Variants in TPP2 observed in about 807,000 individuals in gnomAD.
TPP2 encodes the protein tripeptidyl peptidase 2.
Under a neutral mutation model 155.9 loss-of-function variants are expected in TPP2, and 34 were observed. The ratio of observed to expected loss-of-function variants is 0.22; its 90% CI spans 0.17 to 0.29. The LOEUF (loss-of-function observed/expected upper bound fraction) is 0.29, where lower values mean the gene tolerates loss of function less well. Among genes scored for constraint, TPP2 ranks in the 10% least tolerant of loss-of-function variants. The probability of loss-of-function intolerance (pLI) is 1.00; values close to 1 mark genes in which losing one functional copy is unlikely to be tolerated. For missense variants in TPP2, 1,028 were observed against 1,522.3 expected (o/e 0.68, Z 5.40); for synonymous variants, 510 against 529.4 (o/e 0.96, Z 0.50).
chr13:102,666,512 C>G (rs1884605005), intron 27 of TPP2, among the ~76,000 whole-genome samples: 1 of 152,036 alleles, frequency 6.6e-6, no homozygotes, highest in Non-Finnish European at 1.5e-5. Context: ...AAAGAATGGC[C>G]CATTTTGAGT....
chr13:102,625,094 G>A (rs1338183649), intron 6 of TPP2, among the ~76,000 whole-genome samples: 10 of 148,306 alleles, frequency 6.7e-5, no homozygotes, highest in South Asian at 6.4e-4. Context: ...TCCTGACCTC[G>A]TGATCCACCC....
At chr13:102,633,866 G>A (rs1186278714) in intron 10 of TPP2, 84 bp from the exon 11 acceptor site, 42 of 1,579,508 alleles carry the variant, frequency 2.7e-5, no homozygotes, top group Non-Finnish European at 3.5e-5. Context: ...TATACTATTG[G>A]ATTTAACCAG....
At position 102,647,530 on chromosome 13, in the gene TPP2, A is replaced by G. The variant is rs118060013; in HGVS notation, c.2628+186A>G. Reference sequence around the variant, plus strand: ...CGGTGAAGAACAGATGGTGTCAACTATTTCACCATGTAGTTGTGCTGAATT... The same window carrying G: ...CGGTGAAGAACAGATGGTGTCAACTGTTTCACCATGTAGTTGTGCTGAATT... On this transcript the variant is annotated intron_variant, in intron 21 of 29. Coordinates refer to ENST00000376052, the MANE Select transcript of TPP2 (RefSeq NM_001330588.2). Among the ~76,000 whole-genome samples the G allele has an allele frequency of 7.1e-3, 1,081 of 152,298 alleles. 8 individuals are homozygous for G. The highest frequency in any genetic ancestry group is 0.012 in the Non-Finnish European group (786 of 68,034).
intron 22 of TPP2, 33 bp from the exon 23 acceptor site, chr13:102,649,375 T>C (rs1883348005): frequency 6.3e-7 from 1 of 1,584,020 alleles, no homozygotes; most frequent in Non-Finnish European, 8.6e-7. Context: ...TTCTCTTTTG[T>C]TGCTTTTTTT....
In TPP2 at chr13:102,678,262, T is replaced by C; in HGVS notation, c.3735T>C (p.Ser1245=). 1.2e-6 allele frequency: 2 copies of C among 1,613,768 alleles called. No individual in the cohort carries two copies. The highest frequency in any genetic ancestry group is 1.7e-6 in the Non-Finnish European group (2 of 1,179,740). ...MKLLGWTHCA[S]FTENWLPIMY... Reference sequence around the variant, plus strand: ...TACTTGGATGGACCCATTGTGCATCTTTTACTGAAAACTGGCTCCCCATCA... The same window carrying C: ...TACTTGGATGGACCCATTGTGCATCCTTTACTGAAAACTGGCTCCCCATCA... Residue 1245 remains serine (S), a synonymous_variant, in exon 30 of 30, where the codon TCT becomes TCC. Transcript: ENST00000376052.
chr13:102,656,959 G>A (rs1883898036), intron 24 of TPP2, 97 bp from the exon 25 acceptor site: 4 of 1,308,594 alleles, frequency 3.1e-6, no homozygotes, highest in Non-Finnish European at 4.2e-6. Flanking sequence ...TACAACTTAG[G>A]TGCAGCCCAT....
intron 25 of TPP2, among the ~76,000 whole-genome samples, chr13:102,660,557 A>G (rs1274447136): frequency 6.6e-6 from 1 of 152,250 alleles, no homozygotes; most frequent in East Asian, 1.9e-4. Context: ...ATATCATTAC[A>G]CTATTCTTCA....
At position 102,614,085 on chromosome 13, in the gene TPP2, C is replaced by CT. The variant is rs544736600; in HGVS notation, c.295-7dup. 2.4e-3 allele frequency: 3,610 copies of CT among 1,496,190 alleles called. No individual in the cohort carries two copies. The highest frequency in any genetic ancestry group is 3.3e-3 in the Middle Eastern group (19 of 5,696). The allele number at this position is 1,496,190 out of a possible 1,614,324, so 92.7% of individuals were successfully genotyped here. A position where few individuals can be genotyped will look rare whatever the true frequency, so the allele number is the denominator to read the frequency against. ...GCATTTAGTGAATGAACAGGTTACT[C>CT]TTTTTTTTTCTGTAGATTCCTGCAA... On this transcript the variant is annotated splice_polypyrimidine_tract_variant and intron_variant, in intron 2 of 29. Coordinates refer to ENST00000376052, the MANE Select transcript of TPP2 (RefSeq NM_001330588.2).
At position 102,678,227 on chromosome 13, in the gene TPP2, C is replaced by G; in HGVS notation, c.3700C>G (p.Leu1234Val). 6.2e-7 allele frequency: 1 copy of G among 1,610,336 alleles called. No homozygotes were observed. Among genetic ancestry groups the G allele is most frequent in the Non-Finnish European group, 8.5e-7 (1 of 1,178,594 alleles). The change falls in exon 30 of 30, where the codon CTG (leucine) becomes GTG (valine). Residue 1234 changes from leucine to valine, a missense_variant and splice_region_variant. Coordinates refer to ENST00000376052, the MANE Select transcript of TPP2 (RefSeq NM_001330588.2). Reference protein sequence around the residue: ...TKENWKNCIQLMKLLGWTHCA... With the variant: ...TKENWKNCIQVMKLLGWTHCA... The stretch of plus-strand genomic sequence containing the variant: ...AATATATTATTGTATTTTGTTGTAG[C>G]TGATGAAGTTACTTGGATGGACCCA...
intron 25 of TPP2, among the ~76,000 whole-genome samples, chr13:102,660,731 T>C (rs1000498034): frequency 4.6e-5 from 7 of 152,078 alleles, no homozygotes; most frequent in Non-Finnish European, 8.8e-5. Context: ...AAAACTTAAA[T>C]AGAAAGCAAC....
chr13:102,648,327 C>T (rs888610683), intron 21 of TPP2, among the ~76,000 whole-genome samples: 1 of 152,074 alleles, frequency 6.6e-6, no homozygotes, highest in African/African-American at 2.4e-5. Flanking sequence ...CTATGGTGCA[C>T]TATGATTGCA....
chr13:102,603,166 C>T (rs1879560660), intron 1 of TPP2, among the ~76,000 whole-genome samples: 1 of 152,154 alleles, frequency 6.6e-6, no homozygotes, highest in African/African-American at 2.4e-5. Context: ...AGTCTTAGTG[C>T]TAAGTAACTT....
chr13:102,669,914 T>C (rs549430553), intron 27 of TPP2, among the ~76,000 whole-genome samples: 2 of 152,210 alleles, frequency 1.3e-5, no homozygotes, highest in South Asian at 4.1e-4. Context: ...GCACACAGGG[T>C]GGGCTTGAGA....
At chr13:102,658,320 G>C (rs925405467) in intron 25 of TPP2, among the ~76,000 whole-genome samples, 1 of 152,182 alleles carries the variant, frequency 6.6e-6, no homozygotes, top group Non-Finnish European at 1.5e-5. Flanking sequence ...TTGAACCATT[G>C]TAATGTCAGT....
Position 102,630,123 on chromosome 13 carries a change from T to C in TPP2, c.1172T>C (p.Met391Thr), listed in dbSNP as rs1881920765. 1 of 1,613,596 alleles carries C rather than the reference T, an allele frequency of 6.2e-7. No individual in the cohort carries two copies. The highest frequency in any genetic ancestry group is 8.5e-7 in the Non-Finnish European group (1 of 1,179,840). ...GTTGGTGCTTATGTTTCTCCTGATA[T>C]GATGGTTGCTGAGTATTCACTGAGA... ...IGVGAYVSPD[M>T]MVAEYSLREK... is the part of the protein sequence containing the mutation. Residue 391 changes from methionine to threonine, a missense_variant, in exon 10 of 30, where the codon ATG (methionine) becomes ACG (threonine). This residue lies in a region of TPP2 where 63 missense variants were observed against 165.7 expected (regional missense o/e 0.38). Coordinates refer to ENST00000376052, the MANE Select transcript of TPP2 (RefSeq NM_001330588.2).
At chr13:102,648,346 C>T (rs1201982801) in intron 21 of TPP2, among the ~76,000 whole-genome samples, 3 of 152,070 alleles carry the variant, frequency 2.0e-5, no homozygotes, top group Non-Finnish European at 4.4e-5. Context: ...CACCAGTTAA[C>T]AGCCACTGCA....
chr13:102,625,867 C>T (rs577085918), intron 6 of TPP2, among the ~76,000 whole-genome samples: 1 of 152,164 alleles, frequency 6.6e-6, no homozygotes, highest in African/African-American at 2.4e-5. Flanking sequence ...TATCATTGTG[C>T]TTGTATTATT....
At chr13:102,666,430 T>C (rs1434341624) in intron 27 of TPP2, among the ~76,000 whole-genome samples, 2 of 152,196 alleles carry the variant, frequency 1.3e-5, no homozygotes, top group African/African-American at 2.4e-5. Context: ...GTTAATCTTA[T>C]TGCAAGAGGA....
intron 25 of TPP2, 62 bp from the exon 26 acceptor site, chr13:102,663,586 A>G: frequency 8.6e-7 from 1 of 1,160,214 alleles, no homozygotes; most frequent in East Asian, 2.8e-5. Flanking sequence ...TAAATAATAG[A>G]GAAGACAAAT....
Sources: gnomAD v4.1 joint callset for allele counts (sites outside exome capture counted in the v4.1 genomes callset) on GRCh38, gnomAD v4.1.1 for gene constraint, gnomAD v4.1.1 regional missense constraint, MANE v1.5 for transcripts, NCBI Gene and HGNC (gene_info 2026-07-23, HGNC 2026-07-21) for gene names.